ZKSCAN3: variants seen among roughly 807,000 people sequenced by gnomAD.
The protein encoded by ZKSCAN3 is zinc finger with KRAB and SCAN domains 3, also known as zinc finger protein with KRAB and SCAN domains 3.
ZKSCAN3 carries 21 observed loss-of-function variants against 30.7 expected under a neutral mutation model. The observed-to-expected ratio is 0.68, with a 90% CI of 0.49 to 0.99. The LOEUF is 0.99. Among genes scored for constraint, ZKSCAN3 ranks in the 50% least tolerant of loss-of-function variants. The pLI is 0.00. For missense variants in ZKSCAN3, 507 were observed against 647.1 expected, an observed-to-expected ratio of 0.78 and a Z score of 2.35; for synonymous variants, 201 against 246.7, an observed-to-expected ratio of 0.81 and a Z score of 1.73.
intron 5 of ZKSCAN3, among the ~76,000 whole-genome samples, chr6:28,365,000 T>G (rs1234414093): frequency 6.6e-6 from 1 of 152,226 alleles, no homozygotes; most frequent in East Asian, 1.9e-4. Flanking sequence ...TCGCTGTTTC[T>G]CAAAGGTATT....
At position 28,351,908 on chromosome 6, in the gene ZKSCAN3, A is replaced by G. The variant is rs772222217; in HGVS notation, c.-63+1841A>G. ...AATATAATCATAGTATCATGATCACACGCAAAAAAATTGACAATAATTCCT... is the reference window on the plus strand; with the variant it reads ...AATATAATCATAGTATCATGATCACGCGCAAAAAAATTGACAATAATTCCT... On this transcript the variant is annotated intron_variant, in intron 1 of 5. Coordinates refer to ENST00000252211, the MANE Select transcript of ZKSCAN3 (RefSeq NM_024493.4). The surrounding 1 kb of genome is among the most constrained non-coding windows in gnomAD (Gnocchi z 4.6). 6.6e-6 allele frequency among the ~76,000 whole-genome samples: 1 copy of G among 152,108 alleles called. No individual in the cohort carries two copies. The highest frequency in any genetic ancestry group is 1.5e-5 in the Non-Finnish European group (1 of 68,028).
Position 28,359,615 on chromosome 6 carries a change from C to T in ZKSCAN3, c.29C>T (p.Ala10Val). Reference sequence around the variant, plus strand: ...GCTAGAGAATTAAGTGAAAGCACAGCCCTGGATGCCCAGTCTACAGAAGAC... The same window carrying T: ...GCTAGAGAATTAAGTGAAAGCACAGTCCTGGATGCCCAGTCTACAGAAGAC... MARELSEST[A>V]LDAQSTEDQM... The change falls in exon 2 of 6, where the codon GCC becomes GTC. Residue 10 changes from alanine (A) to valine (V), a missense_variant. Coordinates refer to ENST00000252211, the MANE Select transcript of ZKSCAN3 (RefSeq NM_024493.4). The T allele has an allele frequency of 6.2e-7, 1 of 1,614,210 alleles. No homozygotes were observed. Among genetic ancestry groups the T allele is most frequent in the Non-Finnish European group, 8.5e-7 (1 of 1,180,024 alleles).
chr6:28,354,170 G>T (rs185187827), intron 1 of ZKSCAN3: 1 of 349,618 alleles, frequency 2.9e-6, no homozygotes, highest in African/African-American at 2.1e-5. Flanking sequence ...CTCTTACAGG[G>T]TCAGCAGTTT....
rs780514734 is a variant in ZKSCAN3, at chr6:28,349,986, G to A, written c.-144G>A. ...CTTTGTGAGTATGGGGTGAATCGGC[G>A]TCGGCCTTCCACTGTGGGGTTAAAT... is the stretch of plus-strand genomic sequence containing the variant. On this transcript the variant is annotated 5_prime_UTR_variant, in exon 1 of 6. Transcript: ENST00000252211. This position sits in a 1 kb window ranked among gnomAD's most constrained non-coding sequence, Gnocchi z 4.1. The A allele has an allele frequency of 6.6e-6, 1 of 152,240 alleles. No homozygotes were observed. Among genetic ancestry groups the A allele is most frequent in the African/African-American group, 2.4e-5 (1 of 41,450 alleles). 9.4% of individuals were successfully genotyped at this position (152,240 alleles called of 1,614,324 possible). A position where few individuals can be genotyped will look rare whatever the true frequency, so the allele number is the denominator to read the frequency against.
chr6:28,361,060 A>G (rs186928471), intron 2 of ZKSCAN3, among the ~76,000 whole-genome samples: 153 of 152,304 alleles, frequency 1.0e-3, no homozygotes, highest in African/African-American at 3.5e-3. Flanking sequence ...AGGAGCATAG[A>G]GTAATGATAA....
At chr6:28,353,088 C>A (rs554569981) in intron 1 of ZKSCAN3, among the ~76,000 whole-genome samples, 1 of 151,878 alleles carries the variant, frequency 6.6e-6, no homozygotes, top group East Asian at 1.9e-4. Flanking sequence ...CCTGCCTCAG[C>A]CTCCCAAGTA....
At chr6:28,360,568 C>T (rs993379369) in intron 2 of ZKSCAN3, 2 of 985,314 alleles carry the variant, frequency 2.0e-6, no homozygotes, top group South Asian at 9.4e-5. Context: ...GAAAATGGGC[C>T]GACTTTTACC....
chr6:28,352,388 G>A lies in ZKSCAN3; in HGVS notation c.-63+2321G>A, dbSNP rs190399575. ...ATGCAACAGCCTCCCAAGTAGCTGG[G>A]ATTACAGGTGTGTACCACCACACCC... On this transcript the variant is annotated intron_variant, in intron 1 of 5. Coordinates refer to ENST00000252211, the MANE Select transcript of ZKSCAN3 (RefSeq NM_024493.4). 4.1e-4 allele frequency among the ~76,000 whole-genome samples: 63 copies of A among 152,234 alleles called. 1 individual carries two copies. Among genetic ancestry groups the A allele is most frequent in the Non-Finnish European group, 7.1e-4 (48 of 68,018 alleles).
intron 1 of ZKSCAN3, among the ~76,000 whole-genome samples, chr6:28,357,847 G>T (rs759008610): frequency 2.0e-5 from 3 of 152,208 alleles, no homozygotes; most frequent in Non-Finnish European, 2.9e-5. Flanking sequence ...TCAGCCCAAA[G>T]ATCCGAAGAG....
At chr6:28,356,701 T>C (rs1253637161) in intron 1 of ZKSCAN3, among the ~76,000 whole-genome samples, 2 of 152,056 alleles carry the variant, frequency 1.3e-5, no homozygotes, top group African/African-American at 4.8e-5. Context: ...AATGCCCATC[T>C]GACTCTGTTG....
rs1454210638 is a variant in ZKSCAN3 at position 28,366,166 on chromosome 6, A to G, written c.1498A>G (p.Lys500Glu). The change falls in exon 6 of 6, where the codon AAA becomes GAA. Residue 500 changes from lysine (K) to glutamate (E), a missense_variant. By Grantham distance (56) the Lys-to-Glu change is moderately conservative (BLOSUM62 1). Coordinates refer to ENST00000252211, the MANE Select transcript of ZKSCAN3 (RefSeq NM_024493.4). ...GAATACAGGCCTCATTGAACATCAA[A>G]AAATCCACACTGGTGAGAAACCCTA... The part of the protein sequence containing the change: ...TQNTGLIEHQ[K>E]IHTGEKPYQC... 6.2e-7 allele frequency: 1 copy of G among 1,611,416 alleles called. No individual in the cohort carries two copies. Among genetic ancestry groups the G allele is most frequent in the East Asian group, 2.2e-5 (1 of 44,876 alleles).
Position 28,359,801 on chromosome 6 carries a change from G to C in ZKSCAN3, c.215G>C (p.Arg72Pro). The change falls in exon 2 of 6, where the codon CGA (arginine) becomes CCA (proline). Residue 72 changes from arginine to proline, a missense_variant. By Grantham distance (103) the Arg-to-Pro change is moderately radical. Coordinates refer to ENST00000252211, the MANE Select transcript of ZKSCAN3 (RefSeq NM_024493.4). ...EALSRLRELC[R>P]QWLQPEMHSK... ...CTGAGTCGGCTCCGAGAGCTCTGCC[G>C]ACAGTGGCTGCAGCCTGAGATGCAC... 6.2e-7 allele frequency: 1 copy of C among 1,614,204 alleles called. No homozygotes were observed. Among genetic ancestry groups the C allele is most frequent in the Non-Finnish European group, 8.5e-7 (1 of 1,180,044 alleles).
chr6:28,359,679 A>C lies in ZKSCAN3; in HGVS notation c.93A>C (p.Glu31Asp). Reference protein sequence around the residue: ...ELLVIKVEEEEAGFPSSPDLG... With the variant: ...ELLVIKVEEEDAGFPSSPDLG... ...TGGTCATAAAGGTGGAGGAAGAAGA[A>C]GCCGGTTTTCCCAGTAGCCCAGATC... The change falls in exon 2 of 6, where the codon GAA becomes GAC. Residue 31 changes from glutamate to aspartate, a missense_variant. Physicochemically the swap from Glu to Asp is conservative, Grantham distance 45. Transcript: ENST00000252211. 6.2e-7 allele frequency: 1 copy of C among 1,614,224 alleles called. No homozygotes were observed. Among genetic ancestry groups the C allele is most frequent in the South Asian group, 1.1e-5 (1 of 91,086 alleles).
intron 4 of ZKSCAN3, 140 bp from the exon 5 acceptor site, chr6:28,363,552 T>C: frequency 7.1e-7 from 1 of 1,398,960 alleles, no homozygotes; most frequent in South Asian, 1.3e-5. Context: ...TCATTAACTT[T>C]ATTTAGGTGC....
intron 2 of ZKSCAN3, chr6:28,360,515 C>T (rs997216865): frequency 1.8e-4 from 168 of 939,084 alleles, no homozygotes; most frequent in Non-Finnish European, 2.1e-4. Flanking sequence ...TCATGGACTA[C>T]GTGGGAAGGA....
chr6:28,356,900 C>T (rs1765466859), intron 1 of ZKSCAN3, among the ~76,000 whole-genome samples: 1 of 152,206 alleles, frequency 6.6e-6, no homozygotes, highest in Admixed American at 6.5e-5. Flanking sequence ...GGCTGAAGAC[C>T]CACTCACCTC....
In ZKSCAN3 at chr6:28,367,430, G is replaced by C. The variant is rs1403696052; in HGVS notation, c.*1145G>C. On this transcript the variant is annotated 3_prime_UTR_variant, in exon 6 of 6. Coordinates refer to ENST00000252211, the MANE Select transcript of ZKSCAN3 (RefSeq NM_024493.4). ...CCTCTCAAGTACTGGAATTACAGGC[G>C]TGAGCCACCATACCCAGCCCAAATT... 6.6e-6 allele frequency: 1 copy of C among 150,736 alleles called. No individual in the cohort carries two copies. Among genetic ancestry groups the C allele is most frequent in the African/African-American group, 2.4e-5 (1 of 40,948 alleles). 9.3% of individuals were successfully genotyped at this position (150,736 alleles called of 1,614,324 possible). A position where few individuals can be genotyped will look rare whatever the true frequency, so the allele number is the denominator to read the frequency against.
At chr6:28,358,053 G>A (rs1450149843) in intron 1 of ZKSCAN3, among the ~76,000 whole-genome samples, 1 of 152,170 alleles carries the variant, frequency 6.6e-6, no homozygotes, top group African/African-American at 2.4e-5. Flanking sequence ...CCACAGATAA[G>A]ACCTGGTACA....
At chr6:28,365,081 G>C (rs1581741941) in intron 5 of ZKSCAN3, among the ~76,000 whole-genome samples, 1 of 151,834 alleles carries the variant, frequency 6.6e-6, no homozygotes, top group Non-Finnish European at 1.5e-5. Context: ...AATCCTAGGT[G>C]CATGGCCCTG....
Sources: gnomAD v4.1 joint callset for allele counts (sites outside exome capture counted in the v4.1 genomes callset) on GRCh38, gnomAD v4.1.1 for gene constraint, Gnocchi (gnomAD v3.1) non-coding constraint, MANE v1.5 for transcripts, NCBI Gene and HGNC (gene_info 2026-07-23, HGNC 2026-07-21) for gene names.